PCDHA3: variants seen among roughly 807,000 people sequenced by gnomAD.
PCDHA3 encodes protocadherin alpha-3.
A neutral mutation model predicts 62.2 loss-of-function variants in PCDHA3; 41 were observed. The ratio of observed to expected loss-of-function variants is 0.66; its 90% CI spans 0.51 to 0.86. The LOEUF (loss-of-function observed/expected upper bound fraction) is 0.86, where lower values mean the gene tolerates loss of function less well. Ranked by LOEUF, PCDHA3 falls within the 40% of genes least tolerant of loss-of-function variation. The pLI is 0.00. For missense variants in PCDHA3, 1,304 were observed against 1,241.2 expected (o/e 1.05, Z -0.76); for synonymous variants, 640 against 555.4 (o/e 1.15, Z -2.14).
chr5:140,891,009 A>AT (rs35053611), intron 1 of PCDHA3, among the ~76,000 whole-genome samples: 3 of 152,052 alleles, frequency 2.0e-5, no homozygotes, highest in East Asian at 3.9e-4. Context: ...ATTGAAAAGC[A>AT]TTTTTTCTGA....
In PCDHA3 at chr5:141,009,782, C is replaced by G; in HGVS notation, c.2698C>G (p.Arg900Gly). ...AGGATCTCCTGCAATCATCTCCATC[C>G]GGCAGGAGCCTACTAACAGCCAAAT... ...IPGSPAIISI[R>G]QEPTNSQIDK... Residue 900 changes from arginine to glycine, a missense_variant, in exon 4 of 4, where the codon CGG becomes GGG. By Grantham distance (125) the Arg-to-Gly change is moderately radical. Transcript: ENST00000522353. 1.2e-6 allele frequency: 2 copies of G among 1,614,074 alleles called. No homozygotes were observed. Among genetic ancestry groups the G allele is most frequent in the Non-Finnish European group, 1.7e-6 (2 of 1,180,012 alleles).
intron 3 of PCDHA3, among the ~76,000 whole-genome samples, chr5:140,987,224 A>AT (rs34154612): frequency 0.031 from 4,713 of 152,034 alleles, 257 homozygotes; most frequent in African/African-American, 0.11. Context: ...AAAAAAAAAA[A>AT]AAATAATAAA....
chr5:140,857,802 T>C, intron 1 of PCDHA3: 1 of 1,596,456 alleles, frequency 6.3e-7, no homozygotes, highest in Non-Finnish European at 8.6e-7. Flanking sequence ...CGGTCGGTGG[T>C]TGCGGGTCAC....
chr5:140,828,862 C>G (rs368773020), intron 1 of PCDHA3: 3 of 1,614,178 alleles, frequency 1.9e-6, no homozygotes, highest in Non-Finnish European at 2.5e-6. Flanking sequence ...ATGCAGACAA[C>G]GGAACAACAG....
intron 1 of PCDHA3, chr5:140,871,289 G>T (rs955449203): frequency 6.2e-7 from 1 of 1,613,910 alleles, no homozygotes; most frequent in Non-Finnish European, 8.5e-7. Flanking sequence ...CCCACTGAGG[G>T]CGCGTGCGCG....
rs1554213921 is a variant in PCDHA3 at position 140,941,202 on chromosome 5, C to CTTTCTTTCTTTCTTT, written c.2395-37747_2395-37746insTTTCTTTCTTTCTTT. Among the ~76,000 whole-genome samples the CTTTCTTTCTTTCTTT allele has an allele frequency of 5.9e-3, 725 of 122,798 alleles. 27 individuals are homozygous for CTTTCTTTCTTTCTTT. The highest frequency in any genetic ancestry group is 0.024 in the East Asian group (107 of 4,522). The allele number at this position is 122,798 out of a possible 152,430, so 80.6% of individuals were successfully genotyped here. ...TCCTGCTTCTTTTTTTTTCTTTCTTCCTTTCTTTCTTCCTTTCTTTCTTTC... is the reference window on the plus strand; with the variant it reads ...TCCTGCTTCTTTTTTTTTCTTTCTTCTTTCTTTCTTTCTTTCTTTCTTTCTTCCTTTCTTTCTTTC... On this transcript the variant is annotated intron_variant, in intron 1 of 3. Coordinates refer to ENST00000522353, the MANE Select transcript of PCDHA3 (RefSeq NM_018906.3).
intron 1 of PCDHA3, among the ~76,000 whole-genome samples, chr5:140,905,708 C>T (rs1372981287): frequency 1.1e-4 from 16 of 152,092 alleles, no homozygotes; most frequent in Non-Finnish European, 1.6e-4. Context: ...TTATGATTTC[C>T]TTCAGCAGTG....
chr5:140,864,410 A>T (rs1310180872), intron 1 of PCDHA3: 3 of 152,244 alleles, frequency 2.0e-5, no homozygotes, highest in Admixed American at 6.5e-5. Flanking sequence ...AGCAGGGTTG[A>T]GGCAGCTTCG....
At chr5:140,981,849 T>C (rs1460050544) in intron 2 of PCDHA3, among the ~76,000 whole-genome samples, 2 of 152,202 alleles carry the variant, frequency 1.3e-5, no homozygotes, top group African/African-American at 4.8e-5. Flanking sequence ...AGTTTGTATC[T>C]CACTCCCAGC....
Position 140,803,281 on chromosome 5 carries a change from A to T in PCDHA3, c.2084A>T (p.Asp695Val). 6.2e-7 allele frequency: 1 copy of T among 1,614,042 alleles called. No homozygotes were observed. The highest frequency in any genetic ancestry group is 8.5e-7 in the Non-Finnish European group (1 of 1,179,978). Reference protein sequence around the residue: ...GATGPEAALVDVNVYLIVAIC... With the variant: ...GATGPEAALVVVNVYLIVAIC... The stretch of plus-strand genomic sequence containing the variant: ...ACGGGCCCGGAAGCTGCACTGGTGG[A>T]TGTCAACGTGTACTTGATCGTCGCC... The change falls in exon 1 of 4, where the codon GAT becomes GTT. Residue 695 changes from aspartate (D) to valine (V), a missense_variant. Physicochemically the swap from Asp to Val is radical, Grantham distance 152. Transcript: ENST00000522353.
At chr5:140,834,764 C>T (rs2150225831) in intron 1 of PCDHA3, 2 of 1,614,098 alleles carry the variant, frequency 1.2e-6, no homozygotes, top group East Asian at 2.2e-5. Flanking sequence ...AGGACATTAA[C>T]GACAACCCTC....
At chr5:140,923,423 G>A (rs533295733) in intron 1 of PCDHA3, among the ~76,000 whole-genome samples, 1 of 152,142 alleles carries the variant, frequency 6.6e-6, no homozygotes. Context: ...GGCTACTTGG[G>A]AGGCTGGGGT....
At chr5:140,903,401 T>A (rs577425497) in intron 1 of PCDHA3, among the ~76,000 whole-genome samples, 2 of 152,336 alleles carry the variant, frequency 1.3e-5, no homozygotes, top group East Asian at 3.9e-4. Flanking sequence ...GAAACAGTAG[T>A]GCAGTCAGGA....
chr5:140,910,274 G>A (rs1185029668), intron 1 of PCDHA3, among the ~76,000 whole-genome samples: 1 of 152,030 alleles, frequency 6.6e-6, no homozygotes, highest in Non-Finnish European at 1.5e-5. Flanking sequence ...TCACTTCTAG[G>A]AACACCATGA....
intron 1 of PCDHA3, chr5:140,829,787 C>T: frequency 6.2e-7 from 1 of 1,613,830 alleles, no homozygotes; most frequent in Non-Finnish European, 8.5e-7. Context: ...GCCGGCGCTG[C>T]TGGCGCCTCG....
intron 1 of PCDHA3, among the ~76,000 whole-genome samples, chr5:140,962,051 T>C (rs1352018533): frequency 2.0e-5 from 3 of 151,838 alleles, no homozygotes; most frequent in Admixed American, 6.6e-5. Context: ...GCCTGGCTAA[T>C]TTTTTTGTAT....
intron 1 of PCDHA3, among the ~76,000 whole-genome samples, chr5:140,839,583 T>A (rs1285207405): frequency 6.6e-6 from 1 of 151,916 alleles, no homozygotes; most frequent in Non-Finnish European, 1.5e-5. Context: ...AGAGATGGGG[T>A]CTTACCATGT....
At chr5:140,933,731 A>G (rs1210438420) in intron 1 of PCDHA3, among the ~76,000 whole-genome samples, 2 of 151,958 alleles carry the variant, frequency 1.3e-5, no homozygotes, top group East Asian at 1.9e-4. Context: ...CAGCTTTCTT[A>G]AATATTTGGT....
chr5:140,842,491 GCCCCATGT>G (rs1428836968), intron 1 of PCDHA3: 1 of 1,613,778 alleles, frequency 6.2e-7, no homozygotes, highest in African/African-American at 1.3e-5. Context: ...GCTCCCTGAT[GCCCCATGT>G]CCCCTTCAAG....
Sources: allele counts gnomAD v4.1 joint callset (sites outside exome capture counted in the v4.1 genomes callset), GRCh38; gene constraint gnomAD v4.1.1; transcripts MANE v1.5; gene names NCBI Gene and HGNC (gene_info 2026-07-23, HGNC 2026-07-21).